Variants in GKAP1 observed in about 807,000 individuals in gnomAD.
GKAP1 encodes the protein G kinase anchoring protein 1, also known as G kinase-anchoring protein 1.
In GKAP1, 31 loss-of-function variants were observed where a neutral mutation model predicts 56.7. The observed-to-expected ratio is 0.55, with a 90% CI of 0.41 to 0.74. The LOEUF is 0.74. Ranked by LOEUF, GKAP1 falls within the 30% of genes least tolerant of loss-of-function variation. The probability of loss-of-function intolerance (pLI) is 0.00; values close to 1 mark genes in which losing one functional copy is unlikely to be tolerated. For synonymous variants in GKAP1, 151 were observed against 138.6 expected (o/e 1.09, Z -0.63); for missense variants, 364 against 402.3 (o/e 0.90, Z 0.82).
At chr9:83,786,257 T>A (rs1944061258) in intron 5 of GKAP1, among the ~76,000 whole-genome samples, 1 of 152,180 alleles carries the variant, frequency 6.6e-6, no homozygotes, top group African/African-American at 2.4e-5. Context: ...GAAAATGCTA[T>A]CCCAGCCAGG....
rs556142691 is a variant in GKAP1, at chr9:83,745,169, C to G, written c.905-2569G>C. The stretch of plus-strand genomic sequence containing the variant: ...CCTTAGCCTTCCAAGCAGCTGGGAC[C>G]ATAGGCGTGCACCACCATGCCAGGA... On this transcript the variant is annotated intron_variant, in intron 10 of 12. Coordinates refer to ENST00000376371, the MANE Select transcript of GKAP1 (RefSeq NM_025211.4). Among the ~76,000 whole-genome samples the G allele has an allele frequency of 1.2e-4, 19 of 152,170 alleles. 1 individual carries two copies. The highest frequency in any genetic ancestry group is 6.8e-3 in the Middle Eastern group (2 of 294).
intron 6 of GKAP1, among the ~76,000 whole-genome samples, chr9:83,783,142 G>GTTT (rs1178919553): frequency 6.6e-6 from 1 of 152,034 alleles, no homozygotes; most frequent in Non-Finnish European, 1.5e-5. Flanking sequence ...CAGTATTTGG[G>GTTT]TTTTTTTCTT....
At chr9:83,792,661 CAT>C (rs1944180550) in intron 4 of GKAP1, among the ~76,000 whole-genome samples, 1 of 152,110 alleles carries the variant, frequency 6.6e-6, no homozygotes, top group Non-Finnish European at 1.5e-5. Context: ...ATTCTCTAAA[CAT>C]ATCTTTATTC....
At chr9:83,754,029 C>T (rs912466105) in intron 8 of GKAP1, among the ~76,000 whole-genome samples, 6 of 151,946 alleles carry the variant, frequency 3.9e-5, no homozygotes, top group African/African-American at 7.3e-5. Flanking sequence ...TAGACGCAAA[C>T]AAAAAGTTGA....
intron 3 of GKAP1, among the ~76,000 whole-genome samples, chr9:83,804,231 C>A (rs1323519050): frequency 2.6e-4 from 39 of 150,352 alleles, no homozygotes; most frequent in Middle Eastern, 6.9e-3. Context: ...GGCCAGCCAC[C>A]CCGTCCGGGA....
At chr9:83,775,874 CAAAAAAAAAA>C (rs55669011) in intron 7 of GKAP1, among the ~76,000 whole-genome samples, 27 of 43,712 alleles carry the variant, frequency 6.2e-4, no homozygotes, top group African/African-American at 2.3e-3. Flanking sequence ...GACTCTGTCT[CAAAAAAAAAA>C]AAAAAAAAAA....
intron 8 of GKAP1, among the ~76,000 whole-genome samples, chr9:83,754,657 TG>T (rs1264721364): frequency 6.6e-6 from 1 of 152,050 alleles, no homozygotes; most frequent in East Asian, 1.9e-4. Context: ...TAAACCAGTA[TG>T]GTAAGATAGT....
chr9:83,762,219 T>A (rs552367994), intron 8 of GKAP1, among the ~76,000 whole-genome samples: 64 of 151,824 alleles, frequency 4.2e-4, no homozygotes, highest in African/African-American at 1.5e-3. Context: ...GGATACAAAA[T>A]CAACCTTGAA....
chr9:83,748,431 T>A, intron 9 of GKAP1, 59 bp from the exon 10 acceptor site: 1 of 961,004 alleles, frequency 1.0e-6, no homozygotes, highest in Non-Finnish European at 1.6e-6. Flanking sequence ...AATTAATGAT[T>A]TACTGTCAAC....
intron 6 of GKAP1, among the ~76,000 whole-genome samples, chr9:83,784,434 G>C (rs147600434): frequency 1.3e-5 from 2 of 152,072 alleles, no homozygotes; most frequent in East Asian, 3.9e-4. Flanking sequence ...GTGATGACTC[G>C]TCAAGAAGGC....
At position 83,798,743 on chromosome 9, in the gene GKAP1, T is replaced by C. The variant is rs529587103; in HGVS notation, c.360+442A>G. ...GTGGCCCAGGGTGGTCTCAAACTCCTAGGCTCAAGCCATCCACCCGCCTCA... is the reference window on the plus strand; with the variant it reads ...GTGGCCCAGGGTGGTCTCAAACTCCCAGGCTCAAGCCATCCACCCGCCTCA... On this transcript the variant is annotated intron_variant, in intron 4 of 12. Coordinates refer to ENST00000376371, the MANE Select transcript of GKAP1 (RefSeq NM_025211.4). 4.6e-5 allele frequency among the ~76,000 whole-genome samples: 7 copies of C among 152,168 alleles called. No homozygotes were observed. In the South Asian group the frequency reaches 1.5e-3, roughly 32 times the overall value.
Position 83,764,280 on chromosome 9 carries a change from G to A in GKAP1, c.738+4538C>T, listed in dbSNP as rs80153104. On this transcript the variant is annotated intron_variant, in intron 8 of 12. Coordinates refer to ENST00000376371, the MANE Select transcript of GKAP1 (RefSeq NM_025211.4). Reference sequence around the variant, plus strand: ...GCAGTTTCCCCCATACTGCTCTCCGGTTAGTGAGTGAGTTCTCACAAGATC... The same window carrying A: ...GCAGTTTCCCCCATACTGCTCTCCGATTAGTGAGTGAGTTCTCACAAGATC... Among the ~76,000 whole-genome samples the A allele has an allele frequency of 1.4e-4, 21 of 152,208 alleles. No homozygotes were observed. In the East Asian group the frequency reaches 4.1e-3, roughly 29 times the overall value.
At chr9:83,779,817 C>T (rs1943940871) in intron 7 of GKAP1, among the ~76,000 whole-genome samples, 1 of 151,764 alleles carries the variant, frequency 6.6e-6, no homozygotes. Flanking sequence ...ATAGCACAAT[C>T]TCCCAACTAA....
intron 6 of GKAP1, among the ~76,000 whole-genome samples, chr9:83,782,085 G>A (rs958755365): frequency 5.3e-5 from 8 of 151,556 alleles, no homozygotes; most frequent in Non-Finnish European, 7.4e-5. Context: ...CTCGTGATCC[G>A]CCCACCTCGG....
chr9:83,804,080 G>C (rs1377893048), intron 3 of GKAP1, among the ~76,000 whole-genome samples: 1 of 151,300 alleles, frequency 6.6e-6, no homozygotes, highest in East Asian at 2.0e-4. Flanking sequence ...TGGGAAGTGA[G>C]GAGCGTCTCC....
At chr9:83,774,426 AC>A (rs1220191887) in intron 7 of GKAP1, among the ~76,000 whole-genome samples, 2 of 151,336 alleles carry the variant, frequency 1.3e-5, no homozygotes, top group Non-Finnish European at 2.9e-5. Flanking sequence ...ACATGGCGAA[AC>A]CCTGTCTCTA....
At chr9:83,747,143 A>C (rs1156270899) in intron 10 of GKAP1, among the ~76,000 whole-genome samples, 1 of 152,188 alleles carries the variant, frequency 6.6e-6, no homozygotes, top group African/African-American at 2.4e-5. Flanking sequence ...CCTTTGCCTA[A>C]GTCTCATACT....
At position 83,742,550 on chromosome 9, in the gene GKAP1, T is replaced by C. The variant is rs773178877; in HGVS notation, c.955A>G (p.Lys319Glu). 1 of 1,612,344 alleles carries C rather than the reference T, an allele frequency of 6.2e-7. No homozygotes were observed. The highest frequency in any genetic ancestry group is 8.5e-7 in the Non-Finnish European group (1 of 1,179,218). The change falls in exon 11 of 13, where the codon AAG (lysine) becomes GAG (glutamate). Residue 319 changes from lysine to glutamate, a missense_variant. By Grantham distance (56) the Lys-to-Glu change is moderately conservative. Coordinates refer to ENST00000376371, the MANE Select transcript of GKAP1 (RefSeq NM_025211.4). ...CTTACCTGAATAGTGAGCTCATTCT[T>C]GATACTTTGTGATTCATCAACTTGC... ...LLQVDESQSI[K>E]NELTIQVTSL...
intron 3 of GKAP1, among the ~76,000 whole-genome samples, chr9:83,804,056 G>GC: frequency 6.7e-6 from 1 of 150,156 alleles, no homozygotes; most frequent in East Asian, 2.0e-4. Flanking sequence ...CCTCTGCCCG[G>GC]CAGCCACCCC....
Sources: gnomAD v4.1 joint callset for allele counts (sites outside exome capture counted in the v4.1 genomes callset) on GRCh38, gnomAD v4.1.1 for gene constraint, MANE v1.5 for transcripts, NCBI Gene and HGNC (gene_info 2026-07-23, HGNC 2026-07-21) for gene names.